The following STRIP2 variants were observed in gnomAD, a reference collection of about 807,000 sequenced individuals.
STRIP2 encodes the protein striatin-interacting protein 2.
STRIP2 carries 84 observed loss-of-function variants against 107.1 expected under a neutral mutation model. The observed-to-expected ratio is 0.78, with a 90% CI of 0.66 to 0.94. The LOEUF (loss-of-function observed/expected upper bound fraction) is 0.94. Among genes scored for constraint, STRIP2 ranks in the 40% least tolerant of loss-of-function variants. The pLI is 0.00. For synonymous variants in STRIP2, 394 were observed against 400.4 expected (o/e 0.98, Z 0.19); for missense variants, 888 against 1,034.2 (o/e 0.86, Z 1.94).
chr7:129,465,755 T>C (rs1798655994), intron 16 of STRIP2, among the ~76,000 whole-genome samples: 1 of 151,402 alleles, frequency 6.6e-6, no homozygotes, highest in African/African-American at 2.5e-5. Flanking sequence ...TGCCAAGATA[T>C]AGGGACAAGA....
rs182993885 is a variant in STRIP2, at chr7:129,445,460, G to T, written c.274+1362G>T. On this transcript the variant is annotated intron_variant, in intron 3 of 20. Coordinates refer to ENST00000249344, the MANE Select transcript of STRIP2 (RefSeq NM_020704.3). ...CTAGGCCAGCAGAACGTAATGTCACGGGAACAGGAAGCAAAAATTTTGCTA... is the reference window on the plus strand; with the variant it reads ...CTAGGCCAGCAGAACGTAATGTCACTGGAACAGGAAGCAAAAATTTTGCTA... 9.9e-4 allele frequency among the ~76,000 whole-genome samples: 150 copies of T among 152,078 alleles called. 2 individuals are homozygous for T. In the Middle Eastern group the frequency reaches 0.01, roughly 10 times the overall value.
chr7:129,479,105 T>C (rs1166768861), intron 18 of STRIP2, among the ~76,000 whole-genome samples: 2 of 151,936 alleles, frequency 1.3e-5, no homozygotes, highest in African/African-American at 2.4e-5. Context: ...AGAAACCCCA[T>C]CTCTACCAAA....
chr7:129,481,032 T>G (rs1799103652), intron 19 of STRIP2, 143 bp downstream of exon 19: 1 of 609,074 alleles, frequency 1.6e-6, no homozygotes, highest in Non-Finnish European at 2.9e-6. Context: ...CTCATAATTC[T>G]GGGCACTTAT....
At chr7:129,438,317 A>G (rs542178119) in intron 1 of STRIP2, among the ~76,000 whole-genome samples, 82 of 152,364 alleles carry the variant, frequency 5.4e-4, no homozygotes, top group African/African-American at 1.9e-3. Flanking sequence ...AATATTCAAT[A>G]AGGAACTAGT....
intron 1 of STRIP2, 77 bp downstream of exon 1, chr7:129,434,678 T>TCGGCCC: frequency 3.6e-6 from 5 of 1,390,478 alleles, no homozygotes; most frequent in Non-Finnish European, 4.6e-6. Context: ...TGATTCGGCC[T>TCGGCCC]CGGCCCCGGA....
In STRIP2 at chr7:129,464,646, G is replaced by A. The variant is rs759758349; in HGVS notation, c.1684G>A (p.Asp562Asn). ...TCTCCAGAGCATGAAGCTGGGCATC[G>A]ATGTGAACAGGCACAAGGAGATTAT... Reference protein sequence around the residue: ...TVLQSMKLGIDVNRHKEIIVK... With the variant: ...TVLQSMKLGINVNRHKEIIVK... The change falls in exon 16 of 21, where the codon GAT (aspartate) becomes AAT (asparagine). Residue 562 changes from aspartate (D) to asparagine (N), a missense_variant. Asp to Asn is a conservative substitution (Grantham distance 23). Coordinates refer to ENST00000249344, the MANE Select transcript of STRIP2 (RefSeq NM_020704.3). The A allele has an allele frequency of 3.1e-6, 5 of 1,613,990 alleles. No individual in the cohort carries two copies. The highest frequency in any genetic ancestry group is 2.2e-5 in the South Asian group (2 of 91,066).
chr7:129,479,274 C>A (rs1480508103), intron 18 of STRIP2, among the ~76,000 whole-genome samples: 5 of 135,776 alleles, frequency 3.7e-5, no homozygotes, highest in African/African-American at 8.2e-5. Context: ...AACTCTGTCT[C>A]AAAAAAAAAA....
chr7:129,483,421 A>G lies in STRIP2; in HGVS notation c.2254+375A>G. On this transcript the variant is annotated intron_variant, in intron 20 of 20. Coordinates refer to ENST00000249344, the MANE Select transcript of STRIP2 (RefSeq NM_020704.3). The surrounding 1 kb of genome is among the most constrained non-coding windows in gnomAD (Gnocchi z 5.1). ...AAGTAAACAAACATTTTACTATATT[A>G]TATTTATGCCATATTTGTACTATGC... is the stretch of plus-strand genomic sequence containing the variant. The G allele has an allele frequency of 1.4e-6, 1 of 717,384 alleles. No individual in the cohort carries two copies. The highest frequency in any genetic ancestry group is 1.8e-6 in the Non-Finnish European group (1 of 571,046). 44.4% of individuals were successfully genotyped at this position (717,384 alleles called of 1,614,324 possible). A position where few individuals can be genotyped will look rare whatever the true frequency, so the allele number is the denominator to read the frequency against.
intron 1 of STRIP2, among the ~76,000 whole-genome samples, chr7:129,438,105 A>G (rs1797799288): frequency 6.6e-6 from 1 of 152,270 alleles, no homozygotes; most frequent in South Asian, 2.1e-4. Flanking sequence ...GCGCCCGGCC[A>G]ATTTGCTTTG....
intron 18 of STRIP2, among the ~76,000 whole-genome samples, chr7:129,472,775 CCTTTTTTTTTTTTTTTTTTTTTT>C (rs1014601633): frequency 1.2e-4 from 8 of 68,904 alleles, no homozygotes; most frequent in African/African-American, 4.3e-4. Flanking sequence ...CTTTTCTTTT[CCTTTTTTTTTTTTTTTTTTTTTT>C]TTTTTTGAGA....
intron 20 of STRIP2, 66 bp from the exon 21 acceptor site, chr7:129,485,513 T>C: frequency 6.4e-7 from 1 of 1,561,406 alleles, no homozygotes; most frequent in Non-Finnish European, 8.8e-7. Flanking sequence ...CCATAGACCA[T>C]GCTCTGTGAT....
intron 1 of STRIP2, among the ~76,000 whole-genome samples, chr7:129,434,891 T>C (rs1458397997): frequency 6.6e-6 from 1 of 152,254 alleles, no homozygotes; most frequent in South Asian, 2.1e-4. Flanking sequence ...TTATCTCACT[T>C]AATCGCTGCA....
Position 129,472,775 on chromosome 7 carries a change from C to CTTTTTTTTTTTTTTTT in STRIP2, c.1944+2060_1944+2061insTTTTTTTTTTTTTTTT, listed in dbSNP as rs1491462474. 4.2e-4 allele frequency among the ~76,000 whole-genome samples: 29 copies of CTTTTTTTTTTTTTTTT among 68,892 alleles called. 12 individuals are homozygous for CTTTTTTTTTTTTTTTT. The highest frequency in any genetic ancestry group is 8.8e-4 in the East Asian group (2 of 2,274). The allele number at this position is 68,892 out of a possible 152,430, so 45.2% of individuals were successfully genotyped here. A position where few individuals can be genotyped will look rare whatever the true frequency, so the allele number is the denominator to read the frequency against. ...AATATATAGAATTTTCTTTTCTTTT[C>CTTTTTTTTTTTTTTTT]CTTTTTTTTTTTTTTTTTTTTTTTT... On this transcript the variant is annotated intron_variant, in intron 18 of 20. Transcript: ENST00000249344.
At position 129,462,234 on chromosome 7, in the gene STRIP2, G is replaced by A. The variant is rs11978943; in HGVS notation, c.1477-732G>A. On this transcript the variant is annotated intron_variant, in intron 13 of 20. Transcript: ENST00000249344. ...TGTTGAATGTCCATTTAGGACTTAC[G>A]TCCATTTAAGCAGCAGATTAGTTGT... Among the ~76,000 whole-genome samples, 735 of 152,342 alleles carry A rather than the reference G, an allele frequency of 4.8e-3. 6 individuals are homozygous for A. Among genetic ancestry groups the A allele is most frequent in the African/African-American group, 0.017 (707 of 41,584 alleles).
At chr7:129,438,251 AGT>A (rs1252806941) in intron 1 of STRIP2, among the ~76,000 whole-genome samples, 2 of 152,254 alleles carry the variant, frequency 1.3e-5, no homozygotes. Context: ...TATAGAAAAA[AGT>A]GTAAGTCTAT....
At chr7:129,467,666 A>T (rs1398896395) in intron 17 of STRIP2, among the ~76,000 whole-genome samples, 1 of 152,172 alleles carries the variant, frequency 6.6e-6, no homozygotes, top group African/African-American at 2.4e-5. Context: ...TAAACACTGA[A>T]AAATGTCATG....
At chr7:129,438,258 G>A (rs183011540) in intron 1 of STRIP2, among the ~76,000 whole-genome samples, 1 of 152,158 alleles carries the variant, frequency 6.6e-6, no homozygotes. Context: ...AAAAGTGTAA[G>A]TCTATTACAG....
intron 1 of STRIP2, among the ~76,000 whole-genome samples, chr7:129,437,703 C>T (rs1050904480): frequency 3.3e-5 from 5 of 151,998 alleles, no homozygotes; most frequent in African/African-American, 1.2e-4. Context: ...AACCCTATGT[C>T]ATTTGCCACT....
intron 18 of STRIP2, among the ~76,000 whole-genome samples, chr7:129,473,292 T>C (rs1175235074): frequency 6.6e-6 from 1 of 152,212 alleles, no homozygotes; most frequent in African/African-American, 2.4e-5. Context: ...ACTTTATACA[T>C]AGATATTTCA....
Sources: allele counts gnomAD v4.1 joint callset (sites outside exome capture counted in the v4.1 genomes callset), GRCh38; gene constraint gnomAD v4.1.1; non-coding constraint Gnocchi (gnomAD v3.1); transcripts MANE v1.5; gene names NCBI Gene and HGNC (gene_info 2026-07-23, HGNC 2026-07-21).